The following COL24A1 variants were observed in gnomAD, a reference collection of about 807,000 sequenced individuals.
COL24A1 encodes the protein collagen type XXIV alpha 1 chain.
A neutral mutation model predicts 253.9 loss-of-function variants in COL24A1; 224 were observed. The ratio of observed to expected loss-of-function variants is 0.88; its 90% CI spans 0.79 to 0.99. COL24A1 has a LOEUF of 0.99. COL24A1 is among the 50% of genes least tolerant of loss of function. COL24A1 has a pLI of 0.00. For synonymous variants in COL24A1, 685 were observed against 673.7 expected (o/e 1.02, Z -0.26); for missense variants, 2,131 against 2,068.5 (o/e 1.03, Z -0.59).
chr1:86,115,516 G>T lies in COL24A1; in HGVS notation c.1492-138C>A, dbSNP rs185589674. ...GCTGGTGATGATTTTTAAGTAACAC[G>T]AACCCCCTTACCCTAATCAGCAGGG... On this transcript the variant is annotated intron_variant, in intron 3 of 59. Coordinates refer to ENST00000370571, the MANE Select transcript of COL24A1 (RefSeq NM_152890.7). 5.3e-6 allele frequency: 4 copies of T among 750,178 alleles called. No individual in the cohort carries two copies. The East Asian group carries it at 1.1e-4, about 20-fold the overall frequency. 46.5% of individuals were successfully genotyped at this position (750,178 alleles called of 1,614,324 possible).
intron 22 of COL24A1, among the ~76,000 whole-genome samples, chr1:85,968,501 C>T (rs112829796): frequency 1.6e-4 from 24 of 152,178 alleles, no homozygotes; most frequent in African/African-American, 5.3e-4. Flanking sequence ...TCTAAATTAT[C>T]GAATCATTTC....
intron 52 of COL24A1, among the ~76,000 whole-genome samples, chr1:85,778,031 A>G (rs1668750486): frequency 1.4e-5 from 2 of 145,112 alleles, no homozygotes; most frequent in African/African-American, 5.7e-5. Flanking sequence ...ATCTCTATCT[A>G]TCTATCTATC....
intron 8 of COL24A1, among the ~76,000 whole-genome samples, chr1:86,062,830 C>A (rs1701189596): frequency 6.6e-6 from 1 of 152,084 alleles, no homozygotes; most frequent in African/African-American, 2.4e-5. Context: ...AGTTGTGCTT[C>A]AGGGACTGAA....
At chr1:85,948,385 G>A (rs1297302327) in intron 24 of COL24A1, among the ~76,000 whole-genome samples, 1 of 150,862 alleles carries the variant, frequency 6.6e-6, no homozygotes, top group Non-Finnish European at 1.5e-5. Flanking sequence ...TTAGCCGGGC[G>A]TGGTAGCGGG....
chr1:85,925,584 A>G (rs907028135), intron 24 of COL24A1, among the ~76,000 whole-genome samples: 65 of 152,310 alleles, frequency 4.3e-4, no homozygotes, highest in African/African-American at 1.5e-3. Flanking sequence ...AGGATTCCCT[A>G]TTTAATAAAT....
At chr1:86,121,512 T>C (rs936027775) in intron 3 of COL24A1, among the ~76,000 whole-genome samples, 6 of 151,578 alleles carry the variant, frequency 4.0e-5, no homozygotes, top group Non-Finnish European at 5.9e-5. Context: ...CGTACAAAAA[T>C]AAAGTTCAAA....
At chr1:86,001,127 C>A (rs1455906578) in intron 19 of COL24A1, among the ~76,000 whole-genome samples, 2 of 152,108 alleles carry the variant, frequency 1.3e-5, no homozygotes, top group African/African-American at 4.8e-5. Flanking sequence ...AAGCTAAATG[C>A]ACTGATCTTT....
In COL24A1 at chr1:85,959,616, C is replaced by T. The variant is rs145061377; in HGVS notation, c.2562+1633G>A. On this transcript the variant is annotated intron_variant, in intron 24 of 59. Transcript: ENST00000370571. ...GCTGTTTGAGAATTAAATGGAATAC[C>T]GTAATATGAAATGTCACTTGGCACT... Among the ~76,000 whole-genome samples, 535 of 151,908 alleles carry T rather than the reference C, an allele frequency of 3.5e-3. 5 individuals carry two copies. Among genetic ancestry groups the T allele is most frequent in the African/African-American group, 0.013 (519 of 41,474 alleles).
At chr1:85,782,227 C>T (rs966807605) in intron 51 of COL24A1, among the ~76,000 whole-genome samples, 3 of 152,120 alleles carry the variant, frequency 2.0e-5, no homozygotes, top group Non-Finnish European at 4.4e-5. Context: ...GCTGGGATTA[C>T]AGGCATGTGC....
At chr1:85,953,917 T>G (rs1298442769) in intron 24 of COL24A1, among the ~76,000 whole-genome samples, 5 of 152,200 alleles carry the variant, frequency 3.3e-5, no homozygotes, top group Non-Finnish European at 7.4e-5. Flanking sequence ...TGATCAAGTT[T>G]ACATTTCCTT....
intron 37 of COL24A1, among the ~76,000 whole-genome samples, chr1:85,857,262 C>T (rs1678538594): frequency 1.3e-5 from 2 of 151,690 alleles, no homozygotes; most frequent in Non-Finnish European, 2.9e-5. Flanking sequence ...ATGTAGATGG[C>T]AACTCAGAAA....
chr1:85,883,660 TTTTC>T (rs919853766), intron 32 of COL24A1: 1 of 152,206 alleles, frequency 6.6e-6, no homozygotes, highest in African/African-American at 2.4e-5. Flanking sequence ...CCCAAGTCCA[TTTTC>T]TTTCTTTTTT....
Position 86,022,816 on chromosome 1 carries a change from A to G in COL24A1, c.2148+17T>C, listed in dbSNP as rs1032786608. 4.9e-6 allele frequency: 7 copies of G among 1,415,296 alleles called. No homozygotes were observed. The highest frequency in any genetic ancestry group is 2.8e-5 in the Admixed American group (1 of 35,642). 87.7% of individuals were successfully genotyped at this position (1,415,296 alleles called of 1,614,324 possible). ...ATGTGATAAAAATTATTTTTATAAT[A>G]TTAATATTTAAATCACCTTATCACC... On this transcript the variant is annotated intron_variant, in intron 16 of 59. Coordinates refer to ENST00000370571, the MANE Select transcript of COL24A1 (RefSeq NM_152890.7).
At chr1:86,070,853 A>G (rs1349701201) in intron 7 of COL24A1, among the ~76,000 whole-genome samples, 1 of 151,794 alleles carries the variant, frequency 6.6e-6, no homozygotes. Flanking sequence ...TTCAATCAGA[A>G]AAAAAAAAGA....
At chr1:86,072,304 G>T (rs535356718) in intron 7 of COL24A1, among the ~76,000 whole-genome samples, 1 of 152,306 alleles carries the variant, frequency 6.6e-6, no homozygotes, top group East Asian at 1.9e-4. Flanking sequence ...ATCGACCTGG[G>T]ATGCTTGAGC....
At chr1:85,974,252 T>C (rs184575961) in intron 20 of COL24A1, among the ~76,000 whole-genome samples, 5 of 152,224 alleles carry the variant, frequency 3.3e-5, no homozygotes, top group Admixed American at 2.6e-4. Flanking sequence ...TATAGAATAC[T>C]GAATCCTCAA....
At chr1:85,807,045 C>T in intron 47 of COL24A1, among the ~76,000 whole-genome samples, 1 of 152,184 alleles carries the variant, frequency 6.6e-6, no homozygotes, top group East Asian at 1.9e-4. Flanking sequence ...TTTGAACAGA[C>T]ATGGGCAAGA....
chr1:86,013,697 G>A (rs1161772511), intron 19 of COL24A1, among the ~76,000 whole-genome samples: 3 of 152,070 alleles, frequency 2.0e-5, no homozygotes, highest in African/African-American at 4.8e-5. Flanking sequence ...TTAGCCAGGT[G>A]TGGTGGCAGG....
At chr1:85,783,388 G>A in intron 51 of COL24A1, 108 bp downstream of exon 51, 3 of 881,828 alleles carry the variant, frequency 3.4e-6, no homozygotes, top group South Asian at 1.9e-5. Flanking sequence ...TACCTTAAAA[G>A]TCATTTCATT....
Sources: gnomAD v4.1 joint callset for allele counts (sites outside exome capture counted in the v4.1 genomes callset) on GRCh38, gnomAD v4.1.1 for gene constraint, MANE v1.5 for transcripts, NCBI Gene and HGNC (gene_info 2026-07-23, HGNC 2026-07-21) for gene names.